The following RBFOX1 variants were observed in gnomAD, a reference collection of about 807,000 sequenced individuals.
RBFOX1 encodes the protein RNA binding protein fox-1 homolog 1.
A neutral mutation model predicts 57.7 loss-of-function variants in RBFOX1; 8 were observed. The ratio of observed to expected loss-of-function variants is 0.14; its 90% CI spans 0.08 to 0.25. The LOEUF (loss-of-function observed/expected upper bound fraction) is 0.25. Among genes scored for constraint, RBFOX1 ranks in the 10% least tolerant of loss-of-function variants. RBFOX1 has a pLI of 1.00. For synonymous variants in RBFOX1, 326 were observed against 222.4 expected (o/e 1.47, Z -4.15); for missense variants, 611 against 548.5 (o/e 1.11, Z -1.14).
intron 1 of RBFOX1, among the ~76,000 whole-genome samples, chr16:6,168,445 T>C (rs1245572341): frequency 6.6e-6 from 1 of 152,186 alleles, no homozygotes; most frequent in Non-Finnish European, 1.5e-5. Context: ...CCCAAAGATG[T>C]TGGTTATATG....
intron 4 of RBFOX1, among the ~76,000 whole-genome samples, chr16:7,100,359 A>G (rs190264585): frequency 6.6e-6 from 1 of 152,088 alleles, no homozygotes; most frequent in Non-Finnish European, 1.5e-5. Flanking sequence ...ATGAAGTAGA[A>G]TCTGACTCCC....
chr16:7,210,200 C>G (rs375822846), intron 4 of RBFOX1, among the ~76,000 whole-genome samples: 6 of 152,120 alleles, frequency 3.9e-5, no homozygotes, highest in African/African-American at 1.2e-4. Flanking sequence ...AGAAACACAA[C>G]CAATAGGATA....
intron 3 of RBFOX1, among the ~76,000 whole-genome samples, chr16:5,740,336 G>C (rs2052729148): frequency 6.6e-6 from 1 of 152,214 alleles, no homozygotes; most frequent in Non-Finnish European, 1.5e-5. Context: ...CCACCAAACA[G>C]GGTGCAGCAC....
At chr16:5,468,415 C>G (rs1567132145) in intron 2 of RBFOX1, among the ~76,000 whole-genome samples, 1 of 152,152 alleles carries the variant, frequency 6.6e-6, no homozygotes, top group Non-Finnish European at 1.5e-5. Context: ...CTCACCTATT[C>G]TGAGTTTTTC....
chr16:6,734,852 A>T (rs2069686008), intron 3 of RBFOX1, among the ~76,000 whole-genome samples: 1 of 152,214 alleles, frequency 6.6e-6, no homozygotes, highest in African/African-American at 2.4e-5. Flanking sequence ...CAATGAAAAG[A>T]TGAGTCATTT....
intron 5 of RBFOX1, among the ~76,000 whole-genome samples, chr16:7,573,717 C>T (rs1486332690): frequency 4.6e-5 from 7 of 152,046 alleles, no homozygotes; most frequent in Non-Finnish European, 8.8e-5. Context: ...ACCTATAAAT[C>T]CCAGCTACTC....
chr16:7,260,018 C>G (rs978130586), intron 4 of RBFOX1, among the ~76,000 whole-genome samples: 5 of 152,066 alleles, frequency 3.3e-5, no homozygotes, highest in Admixed American at 2.0e-4. Context: ...TGTGGCTTGT[C>G]TTTTGTCATT....
At chr16:6,177,262 AAAAT>A (rs1291165225) in intron 1 of RBFOX1, among the ~76,000 whole-genome samples, 1 of 151,292 alleles carries the variant, frequency 6.6e-6, no homozygotes, top group Non-Finnish European at 1.5e-5. Flanking sequence ...TACACTGTCT[AAAAT>A]AAATAGCTTT....
intron 14 of RBFOX1, chr16:7,693,301 A>C (rs1466877177): frequency 6.2e-7 from 1 of 1,612,428 alleles, no homozygotes; most frequent in Non-Finnish European, 8.5e-7. Context: ...TGTGAATTTT[A>C]TCTTCTCTTC....
intron 4 of RBFOX1, among the ~76,000 whole-genome samples, chr16:7,155,712 A>T (rs1458500502): frequency 0.011 from 855 of 77,188 alleles, 7 homozygotes; most frequent in Non-Finnish European, 0.017. Context: ...AAAAAAAAAA[A>T]ATATATATAT....
chr16:7,238,585 C>T (rs1056690148), intron 4 of RBFOX1, among the ~76,000 whole-genome samples: 5 of 152,170 alleles, frequency 3.3e-5, no homozygotes, highest in African/African-American at 9.7e-5. Context: ...ATCTTGTGTA[C>T]GTTCCAAATT....
intron 1 of RBFOX1, among the ~76,000 whole-genome samples, chr16:6,172,858 G>T (rs2096971853): frequency 6.6e-6 from 1 of 152,122 alleles, no homozygotes; most frequent in East Asian, 1.9e-4. Context: ...AGTTTGAGTG[G>T]TCAGAACTCG....
intron 3 of RBFOX1, among the ~76,000 whole-genome samples, chr16:6,906,347 T>A (rs142383966): frequency 2.0e-5 from 3 of 152,080 alleles, no homozygotes; most frequent in African/African-American, 4.8e-5. Flanking sequence ...CACTACCTAA[T>A]GATTGTTGAA....
At chr16:7,019,072 G>C (rs922247270) in intron 3 of RBFOX1, among the ~76,000 whole-genome samples, 1 of 152,174 alleles carries the variant, frequency 6.6e-6, no homozygotes, top group African/African-American at 2.4e-5. Context: ...AAGTGTGTGT[G>C]TGTGAGTGTG....
intron 3 of RBFOX1, among the ~76,000 whole-genome samples, chr16:5,823,388 G>A (rs757708276): frequency 1.3e-5 from 2 of 152,190 alleles, no homozygotes; most frequent in African/African-American, 2.4e-5. Context: ...TGGCAGAGTC[G>A]TAACCAAATG....
intron 1 of RBFOX1, among the ~76,000 whole-genome samples, chr16:5,347,196 A>C (rs1306727105): frequency 6.6e-6 from 1 of 152,068 alleles, no homozygotes; most frequent in African/African-American, 2.4e-5. Context: ...TATATACTAT[A>C]TGTTTTCCTT....
chr16:7,621,953 C>T (rs2059381409), intron 10 of RBFOX1, among the ~76,000 whole-genome samples: 1 of 152,214 alleles, frequency 6.6e-6, no homozygotes. Context: ...TCCAATGAAA[C>T]TTTACTTATT....
chr16:5,775,964 C>T (rs13335882), intron 3 of RBFOX1, among the ~76,000 whole-genome samples: 37,820 of 152,020 alleles, frequency 0.25, 5,526 homozygotes, highest in East Asian at 0.55. Context: ...ATTTCAGCTC[C>T]CCAGGATGAG....
At chr16:6,490,714 A>G (rs2095613197) in intron 2 of RBFOX1, among the ~76,000 whole-genome samples, 1 of 152,184 alleles carries the variant, frequency 6.6e-6, no homozygotes, top group East Asian at 1.9e-4. Context: ...AAAGTCTCAA[A>G]AAGGGCTGTT....
Sources: allele counts gnomAD v4.1 joint callset (sites outside exome capture counted in the v4.1 genomes callset), GRCh38; gene constraint gnomAD v4.1.1; transcripts MANE v1.5; gene names NCBI Gene and HGNC (gene_info 2026-07-23, HGNC 2026-07-21).